NPTN: variants seen among roughly 807,000 people sequenced by gnomAD.
NPTN encodes the protein SDR-1.
Under a neutral mutation model 42.7 loss-of-function variants are expected in NPTN, and 5 were observed. The observed-to-expected ratio is 0.12, with a 90% confidence interval of 0.06 to 0.25. The LOEUF (loss-of-function observed/expected upper bound fraction) is 0.25. Among genes scored for constraint, NPTN ranks in the 10% least tolerant of loss-of-function variants. The probability of loss-of-function intolerance (pLI) is 1.00; values close to 1 mark genes in which losing one functional copy is unlikely to be tolerated. For synonymous variants in NPTN, 180 were observed against 201.9 expected (o/e 0.89, Z 0.92); for missense variants, 307 against 525.4 (o/e 0.58, Z 4.06).
At chr15:73,594,653 G>A (rs1169141062) in intron 2 of NPTN, among the ~76,000 whole-genome samples, 2 of 152,132 alleles carry the variant, frequency 1.3e-5, no homozygotes, top group African/African-American at 4.8e-5. Flanking sequence ...AAGTCCAAGA[G>A]AGATGAACAT....
chr15:73,563,295 T>A (rs774917723), intron 6 of NPTN, 38 bp from the exon 7 acceptor site: 25 of 1,611,870 alleles, frequency 1.6e-5, no homozygotes, highest in Non-Finnish European at 2.0e-5. Context: ...CCATGAGAGA[T>A]AAGAGAAGAA....
rs559150939 is a variant in NPTN at position 73,570,673 on chromosome 15, T to C, written c.841-250A>G. Among the ~76,000 whole-genome samples, 1 of 152,306 alleles carries C rather than the reference T, an allele frequency of 6.6e-6. No homozygotes were observed. The highest frequency in any genetic ancestry group is 2.1e-4 in the South Asian group (1 of 4,822). On this transcript the variant is annotated intron_variant, in intron 5 of 8. Coordinates refer to ENST00000345330, the MANE Select transcript of NPTN (RefSeq NM_012428.4). The surrounding 1 kb of genome is among the most constrained non-coding windows in gnomAD (Gnocchi z 4.0). ...TCCACGAAGTGAGTGCAGGTCCTACTGCCTGGAGACTCAGAAAAGTCCAAC... is the reference window on the plus strand; with the variant it reads ...TCCACGAAGTGAGTGCAGGTCCTACCGCCTGGAGACTCAGAAAAGTCCAAC...
At chr15:73,565,218 T>TG (rs1448586858) in intron 6 of NPTN, among the ~76,000 whole-genome samples, 1 of 152,046 alleles carries the variant, frequency 6.6e-6, no homozygotes, top group Non-Finnish European at 1.5e-5. Flanking sequence ...CAAATCCACT[T>TG]TCACACTGAC....
chr15:73,570,450 G>T lies in NPTN; in HGVS notation c.841-27C>A. 6.3e-7 allele frequency: 1 copy of T among 1,597,072 alleles called. No individual in the cohort carries two copies. On this transcript the variant is annotated intron_variant, in intron 5 of 8. Transcript: ENST00000345330. This position sits in a 1 kb window ranked among gnomAD's most constrained non-coding sequence, Gnocchi z 4.0. ...TGCAAAAAAGTGAGAATACACAAAG[G>T]TGAGAGTGAGTAACTGAGCTAATGT...
intron 1 of NPTN, among the ~76,000 whole-genome samples, chr15:73,630,325 T>C (rs1352932893): frequency 1.3e-5 from 2 of 152,266 alleles, no homozygotes; most frequent in African/African-American, 2.4e-5. Flanking sequence ...CATCACATTA[T>C]ACTGCTTTGT....
intron 1 of NPTN, among the ~76,000 whole-genome samples, chr15:73,619,072 A>T (rs1898004351): frequency 6.6e-6 from 1 of 151,742 alleles, no homozygotes; most frequent in Admixed American, 6.6e-5. Context: ...CAAAAAAAAA[A>T]AAAAAAAAAT....
At chr15:73,626,295 G>A (rs1247366980) in intron 1 of NPTN, among the ~76,000 whole-genome samples, 1 of 152,154 alleles carries the variant, frequency 6.6e-6, no homozygotes, top group Non-Finnish European at 1.5e-5. Flanking sequence ...TAACAGACAC[G>A]GTTCTGCCTC....
intron 1 of NPTN, chr15:73,632,875 G>C: frequency 2.6e-6 from 1 of 379,794 alleles, no homozygotes. Context: ...GCCCCACGAC[G>C]TGGAGCCTCC....
chr15:73,629,848 G>GA (rs199811026), intron 1 of NPTN, among the ~76,000 whole-genome samples: 16 of 141,422 alleles, frequency 1.1e-4, no homozygotes, highest in South Asian at 2.2e-4. Flanking sequence ...AGAAAAAAAA[G>GA]AAAAAAAAAA....
chr15:73,577,230 C>CA (rs1478185664), intron 4 of NPTN, among the ~76,000 whole-genome samples: 2 of 152,194 alleles, frequency 1.3e-5, no homozygotes. Flanking sequence ...TGAGTACACT[C>CA]AGACAGTTAC....
intron 4 of NPTN, among the ~76,000 whole-genome samples, chr15:73,574,301 C>G (rs1474708766): frequency 1.3e-5 from 2 of 152,142 alleles, no homozygotes; most frequent in Non-Finnish European, 2.9e-5. Flanking sequence ...GGAGAAGCTA[C>G]TCAATAAGTA....
intron 4 of NPTN, among the ~76,000 whole-genome samples, chr15:73,580,460 A>T (rs1281214801): frequency 0.014 from 1,956 of 136,360 alleles, 126 homozygotes; most frequent in African/African-American, 0.053. Context: ...GTATATATAC[A>T]AAATATATTT....
At chr15:73,608,850 T>G (rs976159927) in intron 1 of NPTN, among the ~76,000 whole-genome samples, 8 of 152,136 alleles carry the variant, frequency 5.3e-5, no homozygotes, top group Non-Finnish European at 1.2e-4. Context: ...TGACGTGGGG[T>G]GGGCAGTGAT....
chr15:73,566,302 C>T (rs989259640), intron 6 of NPTN, among the ~76,000 whole-genome samples: 3 of 152,164 alleles, frequency 2.0e-5, no homozygotes, highest in African/African-American at 7.2e-5. Flanking sequence ...AACATTAGAA[C>T]AGCTCTTCAT....
At chr15:73,581,697 G>C (rs1341363003) in intron 4 of NPTN, among the ~76,000 whole-genome samples, 1 of 152,168 alleles carries the variant, frequency 6.6e-6, no homozygotes, top group Admixed American at 6.5e-5. Context: ...CAGCTTCTAG[G>C]CCAGGCTGGA....
chr15:73,569,095 C>T lies in NPTN; in HGVS notation c.1114+1055G>A, dbSNP rs1895218783. ...GCTGGACTACAGCTGGCAACCCCAC[C>T]ATCACCCCGGGTAGGCTACCACTGA... On this transcript the variant is annotated intron_variant, in intron 6 of 8. Coordinates refer to ENST00000345330, the MANE Select transcript of NPTN (RefSeq NM_012428.4). The surrounding 1 kb of genome is among the most constrained non-coding windows in gnomAD (Gnocchi z 4.1). 1 of 985,686 alleles carries T rather than the reference C, an allele frequency of 1.0e-6. No individual in the cohort carries two copies. Among genetic ancestry groups the T allele is most frequent in the Non-Finnish European group, 1.2e-6 (1 of 830,258 alleles). 61.1% of individuals were successfully genotyped at this position (985,686 alleles called of 1,614,324 possible). A position where few individuals can be genotyped will look rare whatever the true frequency, so the allele number is the denominator to read the frequency against.
chr15:73,580,550 GTATATATGTATATACATGT>G (rs1464488039), intron 4 of NPTN, among the ~76,000 whole-genome samples: 69 of 134,900 alleles, frequency 5.1e-4, no homozygotes, highest in East Asian at 1.3e-3. Flanking sequence ...TGTTATATAT[GTATATATGTATATACATGT>G]TATATATGTA....
intron 1 of NPTN, among the ~76,000 whole-genome samples, chr15:73,629,038 C>T (rs571745387): frequency 6.6e-6 from 1 of 152,292 alleles, no homozygotes; most frequent in East Asian, 1.9e-4. Context: ...AAGTTAAGCT[C>T]TACTGCGTCT....
At chr15:73,562,917 T>C (rs536775998) in intron 7 of NPTN, among the ~76,000 whole-genome samples, 5 of 152,028 alleles carry the variant, frequency 3.3e-5, no homozygotes, top group Non-Finnish European at 7.4e-5. Context: ...GTTTTAACAT[T>C]GACAAAACCG....
Sources: allele counts gnomAD v4.1 joint callset (sites outside exome capture counted in the v4.1 genomes callset), GRCh38; gene constraint gnomAD v4.1.1; non-coding constraint Gnocchi (gnomAD v3.1); transcripts MANE v1.5; gene names NCBI Gene and HGNC (gene_info 2026-07-23, HGNC 2026-07-21).